DHX9: variants seen among roughly 807,000 people sequenced by gnomAD.
The protein encoded by DHX9 is DExH-box helicase 9.
DHX9 carries 27 observed loss-of-function variants against 148.7 expected under a neutral mutation model. The observed-to-expected ratio is 0.18, with a 90% confidence interval of 0.13 to 0.25. DHX9 has a LOEUF of 0.25. Among genes scored for constraint, DHX9 ranks in the 10% least tolerant of loss-of-function variants. The pLI is 1.00. For missense variants in DHX9, 796 were observed against 1,559.6 expected (o/e 0.51, Z 8.25); for synonymous variants, 529 against 516.6 (o/e 1.02, Z -0.33).
intron 14 of DHX9, among the ~76,000 whole-genome samples, chr1:182,867,440 T>TG (rs1648347280): frequency 3.9e-5 from 6 of 152,308 alleles, no homozygotes; most frequent in South Asian, 4.1e-4. Flanking sequence ...TCTTGCTCTG[T>TG]CACCCAGGCT....
Position 182,884,644 on chromosome 1 carries a change from G to A in DHX9, c.3292G>A (p.Ala1098Thr). 1.2e-6 allele frequency: 2 copies of A among 1,614,132 alleles called. No individual in the cohort carries two copies. Among genetic ancestry groups the A allele is most frequent in the Non-Finnish European group, 8.5e-7 (1 of 1,180,012 alleles). Residue 1098 changes from alanine to threonine, a missense_variant, in exon 27 of 28, where the codon GCC becomes ACC. Around this residue, in one of 14 missense-constraint regions of DHX9, gnomAD observed 86 missense variants for 156.3 expected, o/e 0.55. Transcript: ENST00000367549. The stretch of plus-strand genomic sequence containing the variant: ...ACTGCAAATATCTCATGAAGCTGCT[G>A]CCTGTATCACTGGTCTCCGGGCAGC... ...IKLQISHEAA[A>T]CITGLRAAME...
intron 3 of DHX9, among the ~76,000 whole-genome samples, chr1:182,851,695 A>G (rs1262622606): frequency 6.6e-6 from 1 of 152,216 alleles, no homozygotes; most frequent in Non-Finnish European, 1.5e-5. Flanking sequence ...GAAAACCAAT[A>G]TATTTTATGT....
At chr1:182,872,260 CTG>C in intron 14 of DHX9, 75 bp from the exon 15 acceptor site, 4 of 1,209,740 alleles carry the variant, frequency 3.3e-6, no homozygotes, top group Non-Finnish European at 4.7e-6. Flanking sequence ...TGTCTTATGG[CTG>C]TATAACTCTT....
chr1:182,853,888 C>T, intron 5 of DHX9, 142 bp from the exon 6 acceptor site: 1 of 682,658 alleles, frequency 1.5e-6, no homozygotes, highest in Non-Finnish European at 2.4e-6. Flanking sequence ...AATTCTGGTT[C>T]AGTTTTTGAC....
chr1:182,866,271 A>C (rs1648291101), intron 12 of DHX9, among the ~76,000 whole-genome samples, 173 bp from the exon 13 acceptor site: 1 of 152,186 alleles, frequency 6.6e-6, no homozygotes, highest in African/African-American at 2.4e-5. Context: ...AAAATGAAAA[A>C]CATTTTTTAA....
intron 20 of DHX9, 129 bp from the exon 21 acceptor site, chr1:182,879,121 G>A (rs778191922): frequency 1.3e-4 from 94 of 696,718 alleles, no homozygotes; most frequent in Admixed American, 1.3e-3. Flanking sequence ...TAAAAGGTCC[G>A]ATGGTAATTG....
At chr1:182,859,893 C>G in intron 11 of DHX9, 100 bp from the exon 12 acceptor site, 1 of 1,197,314 alleles carries the variant, frequency 8.4e-7, no homozygotes. Context: ...CGTGAGCCAC[C>G]GCGCCCAGTC....
intron 3 of DHX9, among the ~76,000 whole-genome samples, chr1:182,844,702 T>A (rs969165493): frequency 6.6e-6 from 1 of 152,160 alleles, no homozygotes; most frequent in Non-Finnish European, 1.5e-5. Flanking sequence ...CCCAGCTAAA[T>A]TTTGTATTTT....
chr1:182,878,816 AC>A lies in DHX9; in HGVS notation c.2352-433del, dbSNP rs534954708. Among the ~76,000 whole-genome samples, 683 of 152,362 alleles carry A rather than the reference AC, an allele frequency of 4.5e-3. 4 individuals are homozygous for A. The highest frequency in any genetic ancestry group is 6.4e-3 in the Non-Finnish European group (436 of 68,026). ...TCAAAAAGTTTTGGATTTTAAAGAT[AC>A]ATCTATAAGAGCCTTTCTAGTGGCA... On this transcript the variant is annotated intron_variant, in intron 20 of 27. Transcript: ENST00000367549.
At chr1:182,861,247 C>G (rs1000973277) in intron 12 of DHX9, among the ~76,000 whole-genome samples, 1 of 151,814 alleles carries the variant, frequency 6.6e-6, no homozygotes, top group African/African-American at 2.4e-5. Flanking sequence ...CTGATGATAC[C>G]TTAGGCTTGA....
At position 182,881,671 on chromosome 1, in the gene DHX9, A is replaced by G. The variant is rs370529574; in HGVS notation, c.2914+24A>G. On this transcript the variant is annotated intron_variant, in intron 24 of 27. Coordinates refer to ENST00000367549, the MANE Select transcript of DHX9 (RefSeq NM_001357.5). The stretch of plus-strand genomic sequence containing the variant: ...AGGTAAGACTTCTTCCATTCTTAAG[A>G]TATCTTTAAAGTGACATTTATATAG... The G allele has an allele frequency of 2.0e-5, 31 of 1,570,076 alleles. No individual in the cohort carries two copies. The African/African-American group carries it at 3.4e-4, about 17-fold the overall frequency.
intron 12 of DHX9, among the ~76,000 whole-genome samples, chr1:182,861,134 TTTGTATAA>T (rs963735615): frequency 1.2e-4 from 19 of 152,316 alleles, no homozygotes; most frequent in African/African-American, 2.6e-4. Flanking sequence ...AATTAGTATA[TTTGTATAA>T]TTGTATAATT....
Position 182,866,984 on chromosome 1 carries a change from G to A in DHX9, c.1498G>A (p.Ala500Thr). The A allele has an allele frequency of 1.2e-6, 2 of 1,605,828 alleles. No individual in the cohort carries two copies. The highest frequency in any genetic ancestry group is 1.7e-6 in the Non-Finnish European group (2 of 1,178,040). Residue 500 changes from alanine to threonine, a missense_variant, in exon 14 of 28, where the codon GCA becomes ACA. Physicochemically the swap from Ala to Thr is moderately conservative, Grantham distance 58. Transcript: ENST00000367549. The stretch of plus-strand genomic sequence containing the variant: ...AGGTGTGCTCCTGAGAAAATTAGAA[G>A]CAGGCATTCGAGGAATCAGTCATGT... ...TVGVLLRKLE[A>T]GIRGISHVIV...
intron 12 of DHX9, among the ~76,000 whole-genome samples, chr1:182,864,830 T>A (rs1648217523): frequency 6.6e-6 from 1 of 152,234 alleles, no homozygotes; most frequent in Admixed American, 6.5e-5. Context: ...TCCTTGGGAT[T>A]TAAGACGTTT....
chr1:182,862,572 C>G (rs1189791242), intron 12 of DHX9, among the ~76,000 whole-genome samples: 1 of 152,174 alleles, frequency 6.6e-6, no homozygotes, highest in African/African-American at 2.4e-5. Context: ...AAAATAAATT[C>G]AGAACCTTAG....
intron 9 of DHX9, 22 bp from the exon 10 acceptor site, chr1:182,858,711 T>C (rs745829828): frequency 1.9e-6 from 3 of 1,613,098 alleles, no homozygotes; most frequent in South Asian, 2.2e-5. Context: ...ATTTTTTGTT[T>C]GTTTTTCTTA....
intron 15 of DHX9, among the ~76,000 whole-genome samples, chr1:182,872,725 G>C (rs10911153): frequency 0.23 from 35,377 of 152,112 alleles, 7,306 homozygotes; most frequent in African/African-American, 0.56. Flanking sequence ...GTTTGCATAT[G>C]CAGTAAGTTT....
intron 15 of DHX9, among the ~76,000 whole-genome samples, chr1:182,873,987 A>G (rs1260265659): frequency 2.0e-5 from 3 of 152,100 alleles, no homozygotes; most frequent in East Asian, 3.8e-4. Flanking sequence ...CAGTTTGAGG[A>G]AAAAAAATAA....
intron 3 of DHX9, among the ~76,000 whole-genome samples, chr1:182,845,037 C>T (rs929269012): frequency 2.6e-5 from 4 of 152,152 alleles, no homozygotes; most frequent in African/African-American, 7.2e-5. Flanking sequence ...TATTCTGACT[C>T]GTTATGAAAG....
Sources: gnomAD v4.1 joint callset for allele counts (sites outside exome capture counted in the v4.1 genomes callset) on GRCh38, gnomAD v4.1.1 for gene constraint, gnomAD v4.1.1 regional missense constraint, MANE v1.5 for transcripts, NCBI Gene and HGNC (gene_info 2026-07-23, HGNC 2026-07-21) for gene names.